The following DNAH14 variants were observed in gnomAD, a reference collection of about 807,000 sequenced individuals.
DNAH14 encodes dynein axonemal heavy chain 14, also known as axonemal beta dynein heavy chain 14.
DNAH14 carries 478 observed loss-of-function variants against 520.9 expected under a neutral mutation model. That is an observed-to-expected ratio of 0.92 (90% CI 0.85 to 0.99). The LOEUF (loss-of-function observed/expected upper bound fraction) is 0.99, where lower values mean the gene tolerates loss of function less well. DNAH14 is among the 50% of genes least tolerant of loss of function. DNAH14 has a pLI of 0.00. For missense variants in DNAH14, 4,831 were observed against 5,234.5 expected, an observed-to-expected ratio of 0.92 and a Z score of 2.38; for synonymous variants, 1,581 against 1,757.2, an observed-to-expected ratio of 0.90 and a Z score of 2.51.
Position 225,257,954 on chromosome 1 carries a change from A to G in DNAH14, c.6866-6A>G. On this transcript the variant is annotated splice_polypyrimidine_tract_variant and splice_region_variant and intron_variant, in intron 44 of 85. Coordinates refer to ENST00000682510, the MANE Select transcript of DNAH14 (RefSeq NM_001367479.1). The stretch of plus-strand genomic sequence containing the variant: ...ATTTGAAACTTTTTTTAAAATGTTA[A>G]CTTAGGAACTTCATTACTAACTAAT... 1 of 1,542,344 alleles carries G rather than the reference A, an allele frequency of 6.5e-7. No individual in the cohort carries two copies. Among genetic ancestry groups the G allele is most frequent in the Non-Finnish European group, 8.7e-7 (1 of 1,143,588 alleles).
chr1:225,337,585 A>T, intron 67 of DNAH14, 89 bp downstream of exon 67: 2 of 1,015,480 alleles, frequency 2.0e-6, no homozygotes, highest in Non-Finnish European at 2.9e-6. Flanking sequence ...TCAGTGACAG[A>T]TAACTGTCAG....
At chr1:225,068,345 G>A (rs2071154986) in intron 17 of DNAH14, among the ~76,000 whole-genome samples, 1 of 151,966 alleles carries the variant, frequency 6.6e-6, no homozygotes, top group Admixed American at 6.6e-5. Flanking sequence ...GTTTTGGTTA[G>A]TGTAGCCCTG....
At chr1:224,967,386 A>T in intron 5 of DNAH14, 45 bp from the exon 6 acceptor site, 1 of 1,362,616 alleles carries the variant, frequency 7.3e-7, no homozygotes, top group Non-Finnish European at 9.8e-7. Context: ...TAGTTAATTT[A>T]GTCAAATTAA....
At chr1:225,347,450 C>T (rs1323032394) in intron 71 of DNAH14, among the ~76,000 whole-genome samples, 1 of 152,138 alleles carries the variant, frequency 6.6e-6, no homozygotes, top group African/African-American at 2.4e-5. Flanking sequence ...GGAAATCCCC[C>T]CATTACAGAG....
At chr1:225,181,926 C>A (rs1412893784) in intron 36 of DNAH14, among the ~76,000 whole-genome samples, 7 of 152,134 alleles carry the variant, frequency 4.6e-5, no homozygotes, top group Non-Finnish European at 4.4e-5. Flanking sequence ...GTGGCTCATG[C>A]CTGAAACCCC....
intron 46 of DNAH14, among the ~76,000 whole-genome samples, chr1:225,261,401 GTT>G (rs1245758525): frequency 2.0e-5 from 3 of 152,044 alleles, no homozygotes; most frequent in Non-Finnish European, 4.4e-5. Context: ...TGACCTTATA[GTT>G]TTTGTCTTTC....
chr1:224,991,811 G>C (rs2489334), intron 8 of DNAH14, among the ~76,000 whole-genome samples: 1 of 151,974 alleles, frequency 6.6e-6, no homozygotes, highest in Non-Finnish European at 1.5e-5. Flanking sequence ...ATGGACATTT[G>C]GGTTGATTCC....
chr1:225,158,905 A>G (rs987287314), intron 34 of DNAH14, among the ~76,000 whole-genome samples: 2 of 152,128 alleles, frequency 1.3e-5, no homozygotes, highest in Non-Finnish European at 2.9e-5. Context: ...TTTTCATAAG[A>G]CCAGTTCTGT....
At chr1:225,138,103 C>T (rs765845359) in intron 27 of DNAH14, among the ~76,000 whole-genome samples, 5 of 152,136 alleles carry the variant, frequency 3.3e-5, no homozygotes, top group South Asian at 2.1e-4. Context: ...GCAGCTGCCC[C>T]TCCCCCTGGG....
intron 1 of DNAH14, among the ~76,000 whole-genome samples, chr1:224,945,977 C>G (rs1380902144): frequency 6.6e-6 from 1 of 152,272 alleles, no homozygotes; most frequent in African/African-American, 2.4e-5. Context: ...TCTCAAATCT[C>G]CAGCTGCATG....
intron 43 of DNAH14, among the ~76,000 whole-genome samples, chr1:225,250,363 T>A (rs2092487627): frequency 6.6e-6 from 1 of 152,380 alleles, no homozygotes; most frequent in South Asian, 2.1e-4. Flanking sequence ...GGACACTTAA[T>A]TAAACCAGGG....
At chr1:225,216,857 A>G (rs113360173) in intron 41 of DNAH14, among the ~76,000 whole-genome samples, 23,462 of 152,102 alleles carry the variant, frequency 0.15, 2,133 homozygotes, top group East Asian at 0.36. Context: ...CCAATAGCTC[A>G]GAGAAGTTTG....
intron 73 of DNAH14, 71 bp downstream of exon 73, chr1:225,353,959 CAAAATTAAAATTTT>C (rs1450568739): frequency 1.1e-6 from 1 of 909,350 alleles, no homozygotes; most frequent in Admixed American, 2.7e-5. Context: ...TTAAACCCTT[CAAAATTAAAATTTT>C]ACAAGCAAAG....
chr1:225,323,903 A>C (rs1404386046), intron 62 of DNAH14, among the ~76,000 whole-genome samples: 4 of 146,018 alleles, frequency 2.7e-5, no homozygotes, highest in South Asian at 2.2e-4. Flanking sequence ...GCAACCTCTC[A>C]CTCCTGGGTT....
At chr1:225,168,326 C>T (rs762938415) in intron 36 of DNAH14, among the ~76,000 whole-genome samples, 6 of 152,052 alleles carry the variant, frequency 3.9e-5, no homozygotes, top group South Asian at 2.1e-4. Flanking sequence ...TGCAGTGCAG[C>T]GAGCGTGAGC....
At chr1:225,324,461 C>G in intron 63 of DNAH14, 108 bp downstream of exon 63, 1 of 1,373,902 alleles carries the variant, frequency 7.3e-7, no homozygotes, top group Non-Finnish European at 9.8e-7. Context: ...GGAAAGGATA[C>G]CTAAGGAGAA....
chr1:225,347,859 G>C (rs77709968), intron 71 of DNAH14, among the ~76,000 whole-genome samples: 1 of 152,012 alleles, frequency 6.6e-6, no homozygotes, highest in African/African-American at 2.4e-5. Context: ...TGAAACTCCA[G>C]AAACGAGTCC....
At chr1:224,949,820 A>C in intron 1 of DNAH14, among the ~76,000 whole-genome samples, 1 of 152,196 alleles carries the variant, frequency 6.6e-6, no homozygotes, top group Non-Finnish European at 1.5e-5. Context: ...GATAGCATCT[A>C]TTGACTCTCT....
At chr1:225,308,520 C>A (rs1048849831) in intron 60 of DNAH14, 110 bp downstream of exon 60, 2 of 1,068,746 alleles carry the variant, frequency 1.9e-6, no homozygotes, top group Admixed American at 3.4e-5. Flanking sequence ...AGTGCCCCAA[C>A]TATGGTTACT....
Sources: gnomAD v4.1 joint callset for allele counts (sites outside exome capture counted in the v4.1 genomes callset) on GRCh38, gnomAD v4.1.1 for gene constraint, MANE v1.5 for transcripts, NCBI Gene and HGNC (gene_info 2026-07-23, HGNC 2026-07-21) for gene names.